RTN3: variants seen among roughly 807,000 people sequenced by gnomAD.
RTN3 encodes reticulon-3.
RTN3 carries 49 observed loss-of-function variants against 77.8 expected under a neutral mutation model. The observed-to-expected ratio is 0.63, with a 90% CI of 0.50 to 0.80. The LOEUF (loss-of-function observed/expected upper bound fraction) is 0.80, where lower values mean the gene tolerates loss of function less well. RTN3 is among the 30% of genes least tolerant of loss of function. The pLI, the probability that RTN3 is intolerant of heterozygous loss-of-function variation, is 0.00. For missense variants in RTN3, 1,236 were observed against 1,211.9 expected (o/e 1.02, Z -0.29); for synonymous variants, 464 against 446.9 (o/e 1.04, Z -0.48).
intron 3 of RTN3, among the ~76,000 whole-genome samples, chr11:63,745,992 G>A (rs573188325): frequency 6.6e-6 from 1 of 152,258 alleles, no homozygotes; most frequent in African/African-American, 2.4e-5. Flanking sequence ...TGTATTTTTA[G>A]TAGAGACAGG....
In RTN3 at chr11:63,682,196, G is replaced by A. The variant is rs990638899; in HGVS notation, c.142+418G>A. 6.6e-5 allele frequency among the ~76,000 whole-genome samples: 10 copies of A among 152,358 alleles called. No homozygotes were observed. The South Asian group carries it at 1.9e-3, about 28-fold the overall frequency. ...TGTTACTATTTTTGAGGGGATGGTG[G>A]TGAAAGGGTTGCATTGCAGGTTTGC... On this transcript the variant is annotated intron_variant, in intron 1 of 8. Coordinates refer to ENST00000377819, the MANE Select transcript of RTN3 (RefSeq NM_001265589.2).
chr11:63,695,167 T>TA (rs1489817973), intron 1 of RTN3, among the ~76,000 whole-genome samples: 1 of 152,248 alleles, frequency 6.6e-6, no homozygotes, highest in Non-Finnish European at 1.5e-5. Flanking sequence ...ATCTGAAAGA[T>TA]ACGAAGATAT....
chr11:63,743,669 C>T (rs1191930269), intron 3 of RTN3, among the ~76,000 whole-genome samples: 2 of 152,180 alleles, frequency 1.3e-5, no homozygotes, highest in Non-Finnish European at 2.9e-5. Context: ...AATCCCAGCA[C>T]TTTGGGAGGC....
chr11:63,683,083 T>C (rs528788580), intron 1 of RTN3, among the ~76,000 whole-genome samples: 1 of 152,340 alleles, frequency 6.6e-6, no homozygotes, highest in East Asian at 1.9e-4. Flanking sequence ...TATTATTCTC[T>C]ACGTGTTTTT....
chr11:63,743,462 G>A (rs2013604135), intron 3 of RTN3, among the ~76,000 whole-genome samples: 1 of 152,076 alleles, frequency 6.6e-6, no homozygotes, highest in South Asian at 2.1e-4. Flanking sequence ...GTGAATTATG[G>A]AATTCTTCCT....
Position 63,681,789 on chromosome 11 carries a change from C to A in RTN3, c.142+11C>A. ...GCTCCTCCTGTGCGGGTAAGGCGCG[C>A]GGGGAGCCCCCGCCCTGGGAAAGAG... is the stretch of plus-strand genomic sequence containing the variant. On this transcript the variant is annotated intron_variant, in intron 1 of 8. Coordinates refer to ENST00000377819, the MANE Select transcript of RTN3 (RefSeq NM_001265589.2). 2 of 1,555,136 alleles carry A rather than the reference C, an allele frequency of 1.3e-6. No individual in the cohort carries two copies. Among genetic ancestry groups the A allele is most frequent in the South Asian group, 2.3e-5 (2 of 87,066 alleles).
chr11:63,689,712 C>T (rs1941556596), intron 1 of RTN3, among the ~76,000 whole-genome samples: 1 of 151,590 alleles, frequency 6.6e-6, no homozygotes, highest in African/African-American at 2.4e-5. Context: ...GTGAGCTTAT[C>T]AGCAAGTGGC....
At chr11:63,714,076 A>G (rs1003744698) in intron 2 of RTN3, 1 of 512,950 alleles carries the variant, frequency 1.9e-6, no homozygotes, top group African/African-American at 1.9e-5. Context: ...TTTGGTCTTC[A>G]TTCTATTTAA....
At position 63,720,531 on chromosome 11, in the gene RTN3, A is replaced by G. The variant is rs1386437704; in HGVS notation, c.2029A>G (p.Ile677Val). Residue 677 changes from isoleucine (I) to valine (V), a missense_variant, in exon 3 of 9, where the codon ATA becomes GTA. Physicochemically the swap from Ile to Val is conservative, Grantham distance 29 (BLOSUM62 3). Transcript: ENST00000377819. ...TAGTGAAAGAAATGCTTTTAAAGCA[A>G]TATCAGAGAAGATGACAGACTTTAA... is the stretch of plus-strand genomic sequence containing the variant. ...VDSERNAFKA[I>V]SEKMTDFKTT... 13 of 1,614,036 alleles carry G rather than the reference A, an allele frequency of 8.1e-6. No individual in the cohort carries two copies. Among genetic ancestry groups the G allele is most frequent in the African/African-American group, 1.3e-5 (1 of 74,956 alleles).
chr11:63,752,584 A>T lies in RTN3; in HGVS notation c.2816A>T (p.Asn939Ile). The change falls in exon 5 of 9, where the codon AAC (asparagine) becomes ATC (isoleucine). Residue 939 changes from asparagine to isoleucine, a missense_variant. This residue lies in a region of RTN3 where 141 missense variants were observed against 154.9 expected (regional missense o/e 0.91). Coordinates refer to ENST00000377819, the MANE Select transcript of RTN3 (RefSeq NM_001265589.2). ...NYMNAAMVHI[N>I]RALKLIIRLF... Reference sequence around the variant, plus strand: ...ATGAATGCTGCCATGGTGCACATCAACAGGGCCCTGAAACTCATTATTCGT... The same window carrying T: ...ATGAATGCTGCCATGGTGCACATCATCAGGGCCCTGAAACTCATTATTCGT... The T allele has an allele frequency of 6.2e-7, 1 of 1,613,210 alleles. No individual in the cohort carries two copies. The highest frequency in any genetic ancestry group is 8.5e-7 in the Non-Finnish European group (1 of 1,179,168).
At chr11:63,755,717 T>C (rs2014343901) in intron 7 of RTN3, among the ~76,000 whole-genome samples, 1 of 150,038 alleles carries the variant, frequency 6.7e-6, no homozygotes, top group South Asian at 2.1e-4. Flanking sequence ...CCCAGCACTT[T>C]GGGAGGCCGA....
At chr11:63,731,051 A>G (rs2012656097) in intron 3 of RTN3, among the ~76,000 whole-genome samples, 1 of 152,026 alleles carries the variant, frequency 6.6e-6, no homozygotes, top group Non-Finnish European at 1.5e-5. Flanking sequence ...TAGGCCCACA[A>G]AACAACTCAG....
intron 2 of RTN3, among the ~76,000 whole-genome samples, chr11:63,716,863 G>A (rs952683293): frequency 5.3e-5 from 8 of 150,846 alleles, no homozygotes; most frequent in African/African-American, 1.9e-4. Context: ...CAACTGCTTG[G>A]GAGACTGAGG....
intron 2 of RTN3, among the ~76,000 whole-genome samples, chr11:63,707,803 A>G (rs911370855): frequency 1.3e-5 from 2 of 152,136 alleles, no homozygotes; most frequent in African/African-American, 4.8e-5. Flanking sequence ...TATTCATTGC[A>G]CTCCAGCTTG....
At chr11:63,694,720 C>T (rs558493419) in intron 1 of RTN3, among the ~76,000 whole-genome samples, 1 of 151,994 alleles carries the variant, frequency 6.6e-6, no homozygotes, top group African/African-American at 2.4e-5. Flanking sequence ...AGCCTCCCAA[C>T]GTGCTGGGAT....
rs529117953 is a variant in RTN3 at position 63,684,207 on chromosome 11, G to A, written c.142+2429G>A. Among the ~76,000 whole-genome samples the A allele has an allele frequency of 1.3e-4, 18 of 141,348 alleles. No homozygotes were observed. In the East Asian group the frequency reaches 3.5e-3, roughly 27 times the overall value. The allele number at this position is 141,348 out of a possible 152,430, so 92.7% of individuals were successfully genotyped here. ...TTTGTCGCCCAGGCTGGAGTGCAGT[G>A]GTGCGATCTCAGCTCACTGCAACCT... is the stretch of plus-strand genomic sequence containing the variant. On this transcript the variant is annotated intron_variant, in intron 1 of 8. Coordinates refer to ENST00000377819, the MANE Select transcript of RTN3 (RefSeq NM_001265589.2).
intron 2 of RTN3, among the ~76,000 whole-genome samples, chr11:63,709,138 G>A (rs1942629995): frequency 6.6e-6 from 1 of 152,262 alleles, no homozygotes; most frequent in East Asian, 1.9e-4. Context: ...TAATAAAGAT[G>A]ATCAAATAAA....
At chr11:63,712,790 C>T (rs1423514690) in intron 2 of RTN3, among the ~76,000 whole-genome samples, 1 of 151,994 alleles carries the variant, frequency 6.6e-6, no homozygotes, top group Non-Finnish European at 1.5e-5. Context: ...TGGCCGACTT[C>T]GAATTTTTTA....
chr11:63,706,958 G>A (rs1238062916), intron 2 of RTN3, among the ~76,000 whole-genome samples: 1 of 147,930 alleles, frequency 6.8e-6, no homozygotes, highest in Non-Finnish European at 1.5e-5. Context: ...GTGCATTGGT[G>A]TGATCTCAGC....
Sources: allele counts gnomAD v4.1 joint callset (sites outside exome capture counted in the v4.1 genomes callset), GRCh38; gene constraint gnomAD v4.1.1; regional missense constraint gnomAD v4.1.1; transcripts MANE v1.5; gene names NCBI Gene and HGNC (gene_info 2026-07-23, HGNC 2026-07-21).